Variants in TRDN observed in about 807,000 individuals in gnomAD.
TRDN encodes triadin in skeletal muscle.
Under a neutral mutation model 149.7 loss-of-function variants are expected in TRDN, and 161 were observed. That is an observed-to-expected ratio of 1.08 (90% CI 0.95 to 1.23). The LOEUF is 1.23. TRDN is among the 50% of genes most tolerant of loss of function. The pLI is 0.00. For missense variants in TRDN, 896 were observed against 823.5 expected (o/e 1.09, Z -1.08); for synonymous variants, 294 against 250.5 (o/e 1.17, Z -1.64).
At chr6:123,284,936 C>T (rs1218441506) in intron 24 of TRDN, among the ~76,000 whole-genome samples, 2 of 151,988 alleles carry the variant, frequency 1.3e-5, no homozygotes, top group East Asian at 3.9e-4. Context: ...AATTAAAATA[C>T]TTAGAAATAT....
chr6:123,254,653 T>A (rs1776492148), intron 37 of TRDN, among the ~76,000 whole-genome samples: 1 of 152,000 alleles, frequency 6.6e-6, no homozygotes, highest in Non-Finnish European at 1.5e-5. Context: ...TTGCCTATTT[T>A]GTGTCTAGGT....
chr6:123,304,225 A>G (rs1200993267), intron 24 of TRDN, among the ~76,000 whole-genome samples: 3 of 150,860 alleles, frequency 2.0e-5, no homozygotes, highest in Non-Finnish European at 4.4e-5. Context: ...AAAATTTTGT[A>G]TATGAATATT....
At chr6:123,319,911 G>C (rs192689835) in intron 23 of TRDN, among the ~76,000 whole-genome samples, 1 of 152,180 alleles carries the variant, frequency 6.6e-6, no homozygotes, top group East Asian at 1.9e-4. Context: ...GTCATCAATA[G>C]TGTTTTCAAG....
intron 4 of TRDN, among the ~76,000 whole-genome samples, chr6:123,538,119 T>C (rs1780640007): frequency 6.6e-6 from 1 of 152,212 alleles, no homozygotes; most frequent in Admixed American, 6.5e-5. Flanking sequence ...TATTAAATTA[T>C]TATAAGGGTT....
chr6:123,438,945 T>C lies in TRDN; in HGVS notation c.990A>G (p.Lys330=), dbSNP rs941068115. The stretch of plus-strand genomic sequence containing the variant: ...GTACATGGCTTTTAAATTTCCTACC[T>C]TTCTTTTTTGTTTCAGAAGTAACTT... ...EKKVTSETKK[K]EKEDIKKKSE... is the part of the protein sequence containing the mutation. The change falls in exon 11 of 41, where the codon AAA becomes AAG. Residue 330 remains lysine (K), a splice_region_variant and synonymous_variant. Coordinates refer to ENST00000334268, the MANE Select transcript of TRDN (RefSeq NM_006073.4). 1.2e-5 allele frequency: 18 copies of C among 1,559,290 alleles called. No individual in the cohort carries two copies. The highest frequency in any genetic ancestry group is 1.2e-5 in the Non-Finnish European group (14 of 1,150,202).
intron 38 of TRDN, among the ~76,000 whole-genome samples, chr6:123,251,590 C>T (rs1432777659): frequency 1.3e-5 from 2 of 150,080 alleles, no homozygotes; most frequent in African/African-American, 4.9e-5. Context: ...ATTAAAATTA[C>T]ACATATGAAA....
chr6:123,497,245 A>C lies in TRDN; in HGVS notation c.801T>G (p.Tyr267Ter), dbSNP rs1198136075. 6.5e-7 allele frequency: 1 copy of C among 1,544,040 alleles called. No individual in the cohort carries two copies. Among genetic ancestry groups the C allele is most frequent in the Non-Finnish European group, 8.7e-7 (1 of 1,147,266 alleles). ...AVSKHEQKDQ[Y>*]AFCRYMIDIF... ...TGTCAATCATATATCGACAGAATGC[A>C]TACTGATCTGACAGAGTAGAAAGAA... Residue 267 changes from tyrosine (Y) to a stop codon, truncating the protein, a stop_gained, in exon 9 of 41, where the codon TAT (tyrosine) becomes TAG (stop). Transcript: ENST00000334268. LOFTEE classifies it high-confidence loss of function.
intron 38 of TRDN, among the ~76,000 whole-genome samples, chr6:123,246,094 A>C (rs1776165857): frequency 6.6e-6 from 1 of 152,204 alleles, no homozygotes; most frequent in African/African-American, 2.4e-5. Flanking sequence ...AGCAGTGTTT[A>C]GAGGGAAATT....
chr6:123,366,520 T>A (rs1284772435), intron 19 of TRDN, among the ~76,000 whole-genome samples: 3 of 152,096 alleles, frequency 2.0e-5, no homozygotes, highest in Non-Finnish European at 4.4e-5. Context: ...TTTATTAGTC[T>A]ACAATTTTTT....
At chr6:123,283,890 A>G (rs944938459) in intron 24 of TRDN, among the ~76,000 whole-genome samples, 1 of 146,106 alleles carries the variant, frequency 6.8e-6, no homozygotes, top group African/African-American at 2.5e-5. Flanking sequence ...TGCTGTGAAT[A>G]TTTCTGGTCC....
intron 9 of TRDN, among the ~76,000 whole-genome samples, chr6:123,474,277 G>T (rs1777345099): frequency 6.6e-6 from 1 of 151,946 alleles, no homozygotes. Flanking sequence ...AACAAAAAAA[G>T]GCAGGGATTG....
intron 4 of TRDN, among the ~76,000 whole-genome samples, chr6:123,537,882 T>C (rs1277921410): frequency 6.6e-6 from 1 of 152,234 alleles, no homozygotes; most frequent in Non-Finnish European, 1.5e-5. Flanking sequence ...TATCTACTTA[T>C]GATCATACCA....
chr6:123,333,957 C>T (rs114959416), intron 22 of TRDN, among the ~76,000 whole-genome samples: 9 of 152,008 alleles, frequency 5.9e-5, no homozygotes, highest in Non-Finnish European at 7.4e-5. Context: ...TATTGAGGCA[C>T]GAACATTGTT....
intron 21 of TRDN, among the ~76,000 whole-genome samples, chr6:123,343,211 A>T (rs1326054379): frequency 6.6e-6 from 1 of 152,000 alleles, no homozygotes; most frequent in Non-Finnish European, 1.5e-5. Flanking sequence ...TGACTTTCCA[A>T]AGTTCAGTAA....
rs1582905903 is a variant in TRDN at position 123,352,550 on chromosome 6, G to A, written c.1358C>T (p.Thr453Ile). Residue 453 changes from threonine (T) to isoleucine (I), a missense_variant, in exon 21 of 41, where the codon ACA (threonine) becomes ATA (isoleucine). By Grantham distance (89) the Thr-to-Ile change is moderately conservative (BLOSUM62 -1). Coordinates refer to ENST00000334268, the MANE Select transcript of TRDN (RefSeq NM_006073.4). Reference protein sequence around the residue: ...PGKKEEKTTKTVEQEIRKEKS... With the variant: ...PGKKEEKTTKIVEQEIRKEKS... ...TCATTTTTTTTTACCTTGCTCCACTGTCTTGGTTGTTTTCTCTTCCTTCTT... is the reference window on the plus strand; with the variant it reads ...TCATTTTTTTTTACCTTGCTCCACTATCTTGGTTGTTTTCTCTTCCTTCTT... The A allele has an allele frequency of 1.2e-6, 2 of 1,610,944 alleles. No individual in the cohort carries two copies. The highest frequency in any genetic ancestry group is 1.3e-5 in the African/African-American group (1 of 74,816).
chr6:123,440,555 C>T (rs1316614017), intron 10 of TRDN, among the ~76,000 whole-genome samples: 2 of 152,132 alleles, frequency 1.3e-5, no homozygotes, highest in Non-Finnish European at 2.9e-5. Flanking sequence ...TAAGCATCAC[C>T]TCTGATGTCA....
intron 4 of TRDN, among the ~76,000 whole-genome samples, chr6:123,538,073 C>A (rs1425768536): frequency 2.0e-5 from 3 of 152,092 alleles, no homozygotes; most frequent in Non-Finnish European, 2.9e-5. Flanking sequence ...GTCATCAAGG[C>A]AATCATCCTG....
intron 24 of TRDN, among the ~76,000 whole-genome samples, chr6:123,300,558 T>C (rs9388210): frequency 6.6e-6 from 1 of 151,924 alleles, no homozygotes; most frequent in Admixed American, 6.6e-5. Flanking sequence ...TGTCATAGAC[T>C]GGTTCGGAAG....
intron 12 of TRDN, among the ~76,000 whole-genome samples, chr6:123,425,729 C>T (rs1182676479): frequency 6.6e-6 from 1 of 151,972 alleles, no homozygotes; most frequent in African/African-American, 2.4e-5. Context: ...GAGTTGAAAG[C>T]CTAAGTACAG....
Sources: gnomAD v4.1 joint callset for allele counts (sites outside exome capture counted in the v4.1 genomes callset) on GRCh38, gnomAD v4.1.1 for gene constraint, MANE v1.5 for transcripts, NCBI Gene and HGNC (gene_info 2026-07-23, HGNC 2026-07-21) for gene names.